The following BICD1 variants were observed in gnomAD, a reference collection of about 807,000 sequenced individuals.
The protein encoded by BICD1 is BICD cargo adaptor 1, also known as protein bicaudal D homolog 1.
In BICD1, 35 loss-of-function variants were observed where a neutral mutation model predicts 92.5. The observed-to-expected ratio is 0.38, with a 90% CI of 0.29 to 0.50. The LOEUF is 0.50. Ranked by LOEUF, BICD1 falls within the 20% of genes least tolerant of loss-of-function variation. BICD1 has a pLI of 0.93. For synonymous variants in BICD1, 429 were observed against 465.1 expected (o/e 0.92, Z 1.00); for missense variants, 950 against 1,189.8 (o/e 0.80, Z 2.97).
At chr12:32,156,821 G>A (rs1405793869) in intron 1 of BICD1, among the ~76,000 whole-genome samples, 2 of 152,180 alleles carry the variant, frequency 1.3e-5, no homozygotes, top group Admixed American at 1.3e-4. Context: ...AGGCAAAGCT[G>A]CATTTTATGT....
chr12:32,245,805 G>A (rs577924361), intron 2 of BICD1, among the ~76,000 whole-genome samples: 10 of 151,742 alleles, frequency 6.6e-5, no homozygotes, highest in Non-Finnish European at 1.0e-4. Flanking sequence ...TGAGGTGGGC[G>A]GATTGTCTGA....
chr12:32,286,331 G>A (rs1947565191), intron 2 of BICD1, among the ~76,000 whole-genome samples: 1 of 151,846 alleles, frequency 6.6e-6, no homozygotes. Flanking sequence ...CATCCAGTTC[G>A]TTGGGCTTCC....
chr12:32,338,720 GT>G (rs1938234164), intron 7 of BICD1, 65 bp from the exon 8 acceptor site: 2 of 1,345,116 alleles, frequency 1.5e-6, no homozygotes, highest in Non-Finnish European at 2.0e-6. Flanking sequence ...CTGGTGAGGC[GT>G]TAAAAGGTAA....
chr12:32,329,728 T>G (rs908782771), intron 5 of BICD1, among the ~76,000 whole-genome samples: 1 of 152,224 alleles, frequency 6.6e-6, no homozygotes, highest in Non-Finnish European at 1.5e-5. Context: ...GCTATTGATC[T>G]TGTCCTTCTG....
rs184965942 is a variant in BICD1, at chr12:32,138,846, T to C, written c.213+31302T>C. ...GTTGAGGAGCATCTGTATATGTATG[T>C]GTTTAGATAGATATAATTAGATATC... On this transcript the variant is annotated intron_variant, in intron 1 of 9. Transcript: ENST00000652176. Among the ~76,000 whole-genome samples, 4 of 152,324 alleles carry C rather than the reference T, an allele frequency of 2.6e-5. No homozygotes were observed. In the East Asian group the frequency reaches 5.8e-4, roughly 22 times the overall value.
At chr12:32,146,450 T>C (rs1213334284) in intron 1 of BICD1, among the ~76,000 whole-genome samples, 1 of 152,244 alleles carries the variant, frequency 6.6e-6, no homozygotes, top group Non-Finnish European at 1.5e-5. Flanking sequence ...CAGGTGGAAA[T>C]ATACTTCTGA....
At chr12:32,272,552 C>T (rs1410822442) in intron 2 of BICD1, among the ~76,000 whole-genome samples, 1 of 151,932 alleles carries the variant, frequency 6.6e-6, no homozygotes, top group African/African-American at 2.4e-5. Context: ...TTGGGGAGTT[C>T]CTTCAGACCT....
At chr12:32,108,804 T>G (rs1231243380) in intron 1 of BICD1, 2 of 556,378 alleles carry the variant, frequency 3.6e-6, no homozygotes, top group Non-Finnish European at 6.5e-6. Context: ...CAACTAGGAA[T>G]CTAATTTTTG....
intron 2 of BICD1, among the ~76,000 whole-genome samples, chr12:32,223,690 T>C (rs1046451717): frequency 6.6e-6 from 1 of 152,224 alleles, no homozygotes; most frequent in Admixed American, 6.5e-5. Context: ...ACTTTTCCTT[T>C]GCATTCACAA....
intron 2 of BICD1, among the ~76,000 whole-genome samples, chr12:32,261,438 A>G (rs1565626548): frequency 6.6e-6 from 1 of 152,130 alleles, no homozygotes; most frequent in Non-Finnish European, 1.5e-5. Flanking sequence ...TCGTATGCAT[A>G]TAGAATGGAT....
chr12:32,328,390 G>C lies in BICD1; in HGVS notation c.1935G>C (p.Arg645=). 4 of 1,614,192 alleles carry C rather than the reference G, an allele frequency of 2.5e-6. No individual in the cohort carries two copies. The highest frequency in any genetic ancestry group is 3.4e-6 in the Non-Finnish European group (4 of 1,180,032). ...AGCATCTGCAGAAAGCTGTGGACCG[G>C]TCCTTGCAACTGTCTCGTCAAAGAG... The part of the protein sequence containing the change: ...QIKHLQKAVD[R]SLQLSRQRAA... Residue 645 remains arginine, a synonymous_variant, in exon 5 of 10, where the codon CGG becomes CGC. Transcript: ENST00000652176. This position sits in a 1 kb window ranked among gnomAD's most constrained non-coding sequence, Gnocchi z 4.4.
chr12:32,299,958 G>A (rs1232856315), intron 3 of BICD1, among the ~76,000 whole-genome samples: 3 of 152,130 alleles, frequency 2.0e-5, no homozygotes, highest in Non-Finnish European at 4.4e-5. Flanking sequence ...AGGTTTCATA[G>A]GTCACATGAT....
chr12:32,316,385 G>A (rs1222149310), intron 4 of BICD1, among the ~76,000 whole-genome samples: 1 of 151,706 alleles, frequency 6.6e-6, no homozygotes. Context: ...CCACCTCCTG[G>A]GTTCAAGCGA....
At chr12:32,364,248 T>TCCG (rs945033175) in intron 8 of BICD1, among the ~76,000 whole-genome samples, 13 of 152,162 alleles carry the variant, frequency 8.5e-5, no homozygotes, top group African/African-American at 3.1e-4. Flanking sequence ...CAATGCCTGC[T>TCCG]CCTTCATGCA....
At chr12:32,193,759 T>G (rs1438384257) in intron 1 of BICD1, among the ~76,000 whole-genome samples, 1 of 152,218 alleles carries the variant, frequency 6.6e-6, no homozygotes, top group Non-Finnish European at 1.5e-5. Context: ...GCTTCTTTGG[T>G]GAGTTCTACT....
intron 2 of BICD1, among the ~76,000 whole-genome samples, chr12:32,287,649 G>A (rs1368010668): frequency 3.3e-5 from 5 of 151,384 alleles, no homozygotes; most frequent in Non-Finnish European, 7.4e-5. Context: ...CCATTCTCCT[G>A]CCTCAGCCTC....
chr12:32,198,557 A>T (rs171887), intron 1 of BICD1, among the ~76,000 whole-genome samples: 138,093 of 138,980 alleles, frequency 0.99, 68,612 homozygotes, highest in Middle Eastern at 1. Context: ...TTTTTTTTTT[A>T]TTTAATCTGG....
intron 2 of BICD1, among the ~76,000 whole-genome samples, chr12:32,230,095 G>C (rs748685742): frequency 2.6e-5 from 4 of 152,116 alleles, no homozygotes; most frequent in African/African-American, 9.7e-5. Context: ...TCCTCACTGC[G>C]GTGGAAGCAA....
intron 1 of BICD1, among the ~76,000 whole-genome samples, chr12:32,186,034 G>T (rs1340392013): frequency 6.6e-6 from 1 of 152,210 alleles, no homozygotes; most frequent in Admixed American, 6.5e-5. Context: ...AACTCCTTGA[G>T]CCTGTCTCTC....
Sources: allele counts gnomAD v4.1 joint callset (sites outside exome capture counted in the v4.1 genomes callset), GRCh38; gene constraint gnomAD v4.1.1; non-coding constraint Gnocchi (gnomAD v3.1); transcripts MANE v1.5; gene names NCBI Gene and HGNC (gene_info 2026-07-23, HGNC 2026-07-21).